The following SLC17A6 variants were observed in gnomAD, a reference collection of about 807,000 sequenced individuals.
SLC17A6 encodes solute carrier family 17 member 6.
SLC17A6 carries 35 observed loss-of-function variants against 67.1 expected under a neutral mutation model. The ratio of observed to expected loss-of-function variants is 0.52; its 90% CI spans 0.40 to 0.69. The LOEUF is 0.69. Among genes scored for constraint, SLC17A6 ranks in the 30% least tolerant of loss-of-function variants. The pLI, the probability that SLC17A6 is intolerant of heterozygous loss-of-function variation, is 0.00. For synonymous variants in SLC17A6, 285 were observed against 252.3 expected (o/e 1.13, Z -1.23); for missense variants, 588 against 723.9 (o/e 0.81, Z 2.15).
chr11:22,376,778 C>A, intron 11 of SLC17A6, 106 bp downstream of exon 11: 2 of 1,137,620 alleles, frequency 1.8e-6, no homozygotes, highest in Non-Finnish European at 1.3e-6. Flanking sequence ...CTTTCTTGTC[C>A]AGTCACCACA....
At chr11:22,339,133 TATATATATG>T (rs1564976392) in intron 1 of SLC17A6, among the ~76,000 whole-genome samples, 1,315 of 20,640 alleles carry the variant, frequency 0.064, 168 homozygotes, top group African/African-American at 0.13. Flanking sequence ...ATATATGTTA[TATATATATG>T]TTATATATAG....
intron 9 of SLC17A6, 135 bp from the exon 10 acceptor site, chr11:22,375,847 A>C (rs1564987801): frequency 1.8e-6 from 1 of 545,392 alleles, no homozygotes; most frequent in Non-Finnish European, 3.2e-6. Context: ...GATTATTATG[A>C]TTATTATTAG....
intron 3 of SLC17A6, among the ~76,000 whole-genome samples, chr11:22,346,146 C>T (rs748423589): frequency 2.0e-5 from 3 of 152,104 alleles, no homozygotes; most frequent in Non-Finnish European, 4.4e-5. Context: ...GGACAGATTC[C>T]TTTCCCTCTA....
chr11:22,355,278 A>G (rs879238819), intron 3 of SLC17A6, among the ~76,000 whole-genome samples: 9 of 152,240 alleles, frequency 5.9e-5, no homozygotes, highest in Admixed American at 1.3e-4. Flanking sequence ...TTTAAAGACA[A>G]GGAAGCAGAA....
rs894003137 is a variant in SLC17A6, at chr11:22,378,352, C to G, written c.*612C>G. 1.3e-5 allele frequency: 2 copies of G among 152,640 alleles called. No homozygotes were observed. The highest frequency in any genetic ancestry group is 4.8e-5 in the African/African-American group (2 of 41,452). 9.5% of individuals were successfully genotyped at this position (152,640 alleles called of 1,614,324 possible). ...TCTATGAAATGCTTGGGCACAAACA[C>G]TTATTTCTGTGAAAGAGAACATGTA... On this transcript the variant is annotated 3_prime_UTR_variant, in exon 12 of 12. Coordinates refer to ENST00000263160, the MANE Select transcript of SLC17A6 (RefSeq NM_020346.3).
chr11:22,343,336 C>T lies in SLC17A6; in HGVS notation c.429C>T (p.Gly143=), dbSNP rs1291086983. 1 of 1,612,126 alleles carries T rather than the reference C, an allele frequency of 6.2e-7. No homozygotes were observed. The highest frequency in any genetic ancestry group is 8.5e-7 in the Non-Finnish European group (1 of 1,179,508). The change falls in exon 3 of 12, where the codon GGC becomes GGT. Residue 143 remains glycine, a synonymous_variant. Coordinates refer to ENST00000263160, the MANE Select transcript of SLC17A6 (RefSeq NM_020346.3). ...WGYIITQIPG[G]YIASRLAANR... ...ACATCATCACTCAGATTCCGGGAGGCTACATCGCGTCTCGGCTGGCAGCCA... is the reference window on the plus strand; with the variant it reads ...ACATCATCACTCAGATTCCGGGAGGTTACATCGCGTCTCGGCTGGCAGCCA...
intron 3 of SLC17A6, among the ~76,000 whole-genome samples, chr11:22,349,330 A>T (rs1194416676): frequency 6.6e-6 from 1 of 152,148 alleles, no homozygotes; most frequent in East Asian, 1.9e-4. Flanking sequence ...CTAGCTGCCA[A>T]TCAAACATCT....
At chr11:22,361,778 G>A (rs1474217101) in intron 5 of SLC17A6, among the ~76,000 whole-genome samples, 6 of 152,086 alleles carry the variant, frequency 3.9e-5, no homozygotes, top group Non-Finnish European at 8.8e-5. Context: ...AGGTCATTTT[G>A]TGCCTTCAGA....
chr11:22,360,877 A>C lies in SLC17A6; in HGVS notation c.574-20A>C, dbSNP rs1014882569. The C allele has an allele frequency of 1.3e-6, 2 of 1,592,664 alleles. No individual in the cohort carries two copies. Among genetic ancestry groups the C allele is most frequent in the Non-Finnish European group, 1.7e-6 (2 of 1,160,742 alleles). ...TTGATCCTAAATGGTGACAGTGATG[A>C]GTATCTTCCCCCATCACAGGGTGTG... On this transcript the variant is annotated intron_variant, in intron 4 of 11. Coordinates refer to ENST00000263160, the MANE Select transcript of SLC17A6 (RefSeq NM_020346.3).
intron 8 of SLC17A6, among the ~76,000 whole-genome samples, chr11:22,370,543 C>T (rs1856163842): frequency 6.6e-6 from 1 of 152,086 alleles, no homozygotes; most frequent in African/African-American, 2.4e-5. Flanking sequence ...AAAAAGTATT[C>T]CATTCAAATA....
In SLC17A6 at chr11:22,338,600, T is replaced by A; in HGVS notation, c.67T>A (p.Ser23Thr). Residue 23 changes from serine (S) to threonine (T), a missense_variant, in exon 1 of 12, where the codon TCA (serine) becomes ACA (threonine). By Grantham distance (58) the Ser-to-Thr change is moderately conservative. Coordinates refer to ENST00000263160, the MANE Select transcript of SLC17A6 (RefSeq NM_020346.3). ...KEGLKNFAGK[S>T]LGQIYRVLEK... ...GGGGCTAAAGAATTTTGCTGGAAAA[T>A]CACTCGGCCAGATCTACAGGTAAGA... 1 of 1,613,362 alleles carries A rather than the reference T, an allele frequency of 6.2e-7. No individual in the cohort carries two copies. Among genetic ancestry groups the A allele is most frequent in the African/African-American group, 1.3e-5 (1 of 74,948 alleles).
At chr11:22,348,538 T>C (rs1328229771) in intron 3 of SLC17A6, among the ~76,000 whole-genome samples, 2 of 152,198 alleles carry the variant, frequency 1.3e-5, no homozygotes, top group African/African-American at 4.8e-5. Flanking sequence ...ATGGTATTTA[T>C]AACTTTTTCT....
intron 9 of SLC17A6, 114 bp downstream of exon 9, chr11:22,375,001 C>T (rs1856216997): frequency 1.9e-6 from 2 of 1,046,844 alleles, no homozygotes; most frequent in Admixed American, 5.6e-5. Flanking sequence ...ACATTTGTGC[C>T]TTCATTATTC....
chr11:22,365,066 G>A (rs1020021714), intron 6 of SLC17A6, among the ~76,000 whole-genome samples: 1 of 152,140 alleles, frequency 6.6e-6, no homozygotes, highest in African/African-American at 2.4e-5. Context: ...TGCCAGATCT[G>A]GAAGTGCTAA....
chr11:22,354,062 G>A (rs991460461), intron 3 of SLC17A6, among the ~76,000 whole-genome samples: 1 of 151,888 alleles, frequency 6.6e-6, no homozygotes, highest in Non-Finnish European at 1.5e-5. Context: ...AGAAACTACT[G>A]TGCTAAACAA....
At chr11:22,343,173 G>T (rs1446465562) in intron 2 of SLC17A6, 74 bp from the exon 3 acceptor site, 2 of 1,266,384 alleles carry the variant, frequency 1.6e-6, no homozygotes, top group Non-Finnish European at 1.1e-6. Context: ...TTTTTGGCTT[G>T]TGAACCACTG....
At chr11:22,355,146 T>G (rs1418656839) in intron 3 of SLC17A6, among the ~76,000 whole-genome samples, 1 of 152,162 alleles carries the variant, frequency 6.6e-6, no homozygotes, top group African/African-American at 2.4e-5. Flanking sequence ...AGATGAGAAA[T>G]GAGGAACAGA....
At chr11:22,375,716 G>A (rs1341203001) in intron 9 of SLC17A6, among the ~76,000 whole-genome samples, 1 of 152,088 alleles carries the variant, frequency 6.6e-6, no homozygotes, top group East Asian at 1.9e-4. Context: ...CTGACCTAGG[G>A]TGATCTGCCC....
chr11:22,354,923 T>G (rs1855980631), intron 3 of SLC17A6, among the ~76,000 whole-genome samples: 1 of 152,206 alleles, frequency 6.6e-6, no homozygotes, highest in African/African-American at 2.4e-5. Flanking sequence ...GACTGGCTCA[T>G]AGTTATGAAT....
Sources: gnomAD v4.1 joint callset for allele counts (sites outside exome capture counted in the v4.1 genomes callset) on GRCh38, gnomAD v4.1.1 for gene constraint, MANE v1.5 for transcripts, NCBI Gene and HGNC (gene_info 2026-07-23, HGNC 2026-07-21) for gene names.